CSF2RA: variants seen among roughly 807,000 people sequenced by gnomAD.
The protein encoded by CSF2RA is colony stimulating factor 2 receptor subunit alpha.
A neutral mutation model predicts 51.6 loss-of-function variants in CSF2RA; 42 were observed. The observed-to-expected ratio is 0.81, with a 90% CI of 0.64 to 1.05. The LOEUF (loss-of-function observed/expected upper bound fraction) is 1.05, where lower values mean the gene tolerates loss of function less well. CSF2RA is among the 50% of genes least tolerant of loss of function. The pLI is 0.00. For missense variants in CSF2RA, 530 were observed against 501.1 expected (o/e 1.06, Z -0.55); for synonymous variants, 222 against 193.0 (o/e 1.15, Z -1.24).
chrX:1,294,211 A>T (rs1166822222), intron 7 of CSF2RA, 117 bp from the exon 8 acceptor site: 2 of 1,246,852 alleles, frequency 1.6e-6, no homozygotes, highest in Non-Finnish European at 2.3e-6. Context: ...GACAGGACCT[A>T]CTCCACCTCC....
At position 1,309,861 on chromosome X, in the gene CSF2RA, C is replaced by G. The variant is rs1413161957; in HGVS notation, c.*382C>G. 2 of 594,428 alleles carry G rather than the reference C, an allele frequency of 3.4e-6. No individual in the cohort carries two copies. Among genetic ancestry groups the G allele is most frequent in the Non-Finnish European group, 6.0e-6 (2 of 334,738 alleles). 36.8% of individuals were successfully genotyped at this position (594,428 alleles called of 1,614,324 possible). On this transcript the variant is annotated 3_prime_UTR_variant, in exon 13 of 13. Coordinates refer to ENST00000381529, the MANE Select transcript of CSF2RA (RefSeq NM_172245.4). ...CAAGATCGCACCATTGCACACCAACCTGCGTGACAGAGCAAGATTGCATCT... is the reference window on the plus strand; with the variant it reads ...CAAGATCGCACCATTGCACACCAACGTGCGTGACAGAGCAAGATTGCATCT...
chrX:1,297,873 G>A, intron 9 of CSF2RA, among the ~76,000 whole-genome samples: 1 of 113,174 alleles, frequency 8.8e-6, no homozygotes, highest in African/African-American at 3.4e-5. Context: ...ATGACCCCTG[G>A]CGGAACCCTA....
chrX:1,310,000 G>A (rs145325501), downstream of CSF2RA: 3 of 457,986 alleles, frequency 6.6e-6, no homozygotes, highest in African/African-American at 4.0e-5. Context: ...TTTAAGACCA[G>A]TCTGGGCAAC....
downstream of CSF2RA, among the ~76,000 whole-genome samples, chrX:1,315,021 C>T (rs779931260): frequency 3.7e-5 from 5 of 133,800 alleles, 1 homozygote; most frequent in Non-Finnish European, 8.5e-5. Context: ...CCTGCCCAAC[C>T]ACACTGCACC....
At chrX:1,316,314 ACAG>A in the CSF2RA span, among the ~76,000 whole-genome samples, 14 of 152,148 alleles carry the variant, frequency 9.2e-5, no homozygotes, top group Admixed American at 9.2e-4. Context: ...AGACAGACAG[ACAG>A]ACAGAGAGGT....
At chrX:1,295,063 G>GCCTCACA (rs1569505777) in intron 8 of CSF2RA, among the ~76,000 whole-genome samples, 12 of 39,574 alleles carry the variant, frequency 3.0e-4, no homozygotes, top group East Asian at 5.4e-4. Flanking sequence ...CCTGCCCCAT[G>GCCTCACA]TCCACCTCGA....
At chrX:1,279,840 A>G (rs1479713964) in intron 2 of CSF2RA, among the ~76,000 whole-genome samples, 6 of 151,226 alleles carry the variant, frequency 4.0e-5, no homozygotes, top group Non-Finnish European at 8.8e-5. Context: ...CCCAGGCTGG[A>G]GGGCAGTGGC....
At chrX:1,300,134 G>A (rs779585817) in intron 9 of CSF2RA, 121 of 223,334 alleles carry the variant, frequency 5.4e-4, no homozygotes, top group African/African-American at 2.5e-3. Context: ...CAGGAGAATG[G>A]TGTGAACCCT....
chrX:1,269,242 A>G (rs1404499323), intron 1 of CSF2RA, among the ~76,000 whole-genome samples: 1 of 152,184 alleles, frequency 6.6e-6, no homozygotes, highest in Non-Finnish European at 1.5e-5. Context: ...GTACATTGCT[A>G]AGCTACAGGG....
At chrX:1,269,646 AG>A (rs2088103552) in intron 1 of CSF2RA, among the ~76,000 whole-genome samples, 1 of 57,030 alleles carries the variant, frequency 1.8e-5, no homozygotes, top group South Asian at 5.0e-4. Context: ...AGAAAAAAAA[AG>A]AGATGAAAAG....
In CSF2RA at chrX:1,299,786, C is replaced by T. The variant is rs184503274; in HGVS notation, c.811-705C>T. 7.9e-3 allele frequency among the ~76,000 whole-genome samples: 1,207 copies of T among 151,982 alleles called. 20 individuals carry two copies. Among genetic ancestry groups the T allele is most frequent in the African/African-American group, 0.025 (1,031 of 41,452 alleles). ...TACAAAACGTACCCATGCGTGGTGG[C>T]GGGCGCCTGTAATCCCAGCTACGTG... On this transcript the variant is annotated intron_variant, in intron 9 of 12. Coordinates refer to ENST00000381529, the MANE Select transcript of CSF2RA (RefSeq NM_172245.4).
chrX:1,313,594 C>T (rs1466004415), downstream of CSF2RA, among the ~76,000 whole-genome samples: 7 of 150,890 alleles, frequency 4.6e-5, no homozygotes, highest in African/African-American at 1.7e-4. Context: ...CACCTATAAT[C>T]CCAGCTACTT....
rs1460312422 is a variant in CSF2RA at position 1,287,829 on chromosome X, T to C, written c.220-690T>C. Among the ~76,000 whole-genome samples the C allele has an allele frequency of 3.6e-5, 5 of 139,716 alleles. 1 individual carries two copies. In the South Asian group the frequency reaches 1.2e-3, roughly 32 times the overall value. 91.7% of individuals were successfully genotyped at this position (139,716 alleles called of 152,430 possible). On this transcript the variant is annotated intron_variant, in intron 4 of 12. Coordinates refer to ENST00000381529, the MANE Select transcript of CSF2RA (RefSeq NM_172245.4). ...TCAGCTCACTGCAACCTGTGCCTCC[T>C]GGGTTCAAGAGAGTCTCCTGCCTCA...
chrX:1,275,882 G>A (rs1324310519), intron 2 of CSF2RA, among the ~76,000 whole-genome samples: 1 of 150,982 alleles, frequency 6.6e-6, no homozygotes, highest in African/African-American at 2.4e-5. Context: ...TAGTAGCGAC[G>A]GGGTTTCACC....
chrX:1,280,182 G>C (rs2089712264), intron 2 of CSF2RA, among the ~76,000 whole-genome samples: 1 of 152,054 alleles, frequency 6.6e-6, no homozygotes, highest in African/African-American at 2.4e-5. Flanking sequence ...AACTAAAGAT[G>C]CTACAAAGGC....
At chrX:1,283,590 A>C (rs1177492223) in intron 3 of CSF2RA, among the ~76,000 whole-genome samples, 1 of 131,064 alleles carries the variant, frequency 7.6e-6, no homozygotes, top group Non-Finnish European at 1.6e-5. Flanking sequence ...CTTTCTTTTC[A>C]GAGTCTCCCT....
rs758219814 is a variant in CSF2RA at position 1,304,013 on chromosome X, T to C, written c.1037T>C (p.Phe346Ser). ...TGTGGCATCGTCCTCGGCTTCCTCT[T>C]TAAAAGGTAACCTGTGAAACACCTG... ...LVCGIVLGFL[F>S]KRFLRIQRLF... The change falls in exon 11 of 13, where the codon TTT becomes TCT. Residue 346 changes from phenylalanine to serine, a missense_variant. Physicochemically the swap from Phe to Ser is radical, Grantham distance 155. Coordinates refer to ENST00000381529, the MANE Select transcript of CSF2RA (RefSeq NM_172245.4). 6.2e-7 allele frequency: 1 copy of C among 1,612,228 alleles called. No homozygotes were observed. Among genetic ancestry groups the C allele is most frequent in the South Asian group, 1.1e-5 (1 of 90,970 alleles).
chrX:1,308,674 C>A (rs2083920883), intron 12 of CSF2RA, among the ~76,000 whole-genome samples: 2 of 152,114 alleles, frequency 1.3e-5, no homozygotes, highest in Admixed American at 1.3e-4. Context: ...GGCCATCTGT[C>A]ATTCCATTAC....
the CSF2RA span, among the ~76,000 whole-genome samples, chrX:1,322,445 T>TTTC: frequency 1.2e-5 from 1 of 85,404 alleles, no homozygotes; most frequent in Admixed American, 1.3e-4. Context: ...GTTTGTTTTT[T>TTTC]TTTTTTTTTT....
Sources: gnomAD v4.1 joint callset for allele counts (sites outside exome capture counted in the v4.1 genomes callset) on GRCh38, gnomAD v4.1.1 for gene constraint, MANE v1.5 for transcripts, NCBI Gene and HGNC (gene_info 2026-07-23, HGNC 2026-07-21) for gene names.